Variants in NR5A2 observed in about 807,000 individuals in gnomAD.
The protein encoded by NR5A2 is nuclear receptor subfamily 5 group A member 2.
A neutral mutation model predicts 62.7 loss-of-function variants in NR5A2; 26 were observed. The observed-to-expected ratio is 0.41, with a 90% CI of 0.30 to 0.58. The LOEUF (loss-of-function observed/expected upper bound fraction) is 0.58. Ranked by LOEUF, NR5A2 falls within the 20% of genes least tolerant of loss-of-function variation. NR5A2 has a pLI of 0.22. For missense variants in NR5A2, 541 were observed against 669.1 expected, an observed-to-expected ratio of 0.81 and a Z score of 2.11; for synonymous variants, 246 against 241.7, an observed-to-expected ratio of 1.02 and a Z score of -0.16.
At chr1:200,139,073 G>A (rs1233587508) in intron 7 of NR5A2, among the ~76,000 whole-genome samples, 1 of 152,092 alleles carries the variant, frequency 6.6e-6, no homozygotes, top group Non-Finnish European at 1.5e-5. Flanking sequence ...GGTGTACTCT[G>A]ATGTCCTTCA....
intron 7 of NR5A2, among the ~76,000 whole-genome samples, chr1:200,149,724 T>C (rs961471201): frequency 2.0e-5 from 3 of 152,112 alleles, no homozygotes; most frequent in Non-Finnish European, 2.9e-5. Flanking sequence ...AGTGCACATA[T>C]TGTGGGCTCC....
chr1:200,077,213 T>G (rs1411083912), intron 5 of NR5A2, among the ~76,000 whole-genome samples: 1 of 152,254 alleles, frequency 6.6e-6, no homozygotes, highest in African/African-American at 2.4e-5. Flanking sequence ...ATAATTAGGT[T>G]TCGGCATCAC....
At chr1:200,168,962 T>C (rs1449472428) in intron 7 of NR5A2, among the ~76,000 whole-genome samples, 1 of 152,238 alleles carries the variant, frequency 6.6e-6, no homozygotes, top group Non-Finnish European at 1.5e-5. Flanking sequence ...TTGTCATCTC[T>C]CTAAAGACCT....
At chr1:200,076,675 T>C (rs1176553843) in intron 5 of NR5A2, among the ~76,000 whole-genome samples, 1 of 152,198 alleles carries the variant, frequency 6.6e-6, no homozygotes, top group Admixed American at 6.5e-5. Context: ...TTTTCAGATT[T>C]AGTGTTTTAA....
intron 1 of NR5A2, among the ~76,000 whole-genome samples, chr1:200,036,818 T>C (rs1383408782): frequency 6.6e-6 from 1 of 152,220 alleles, no homozygotes; most frequent in Non-Finnish European, 1.5e-5. Context: ...CTTTCTGCTC[T>C]TTCAGTCCCC....
At chr1:200,117,706 ATTTTT>A (rs766043240) in intron 6 of NR5A2, among the ~76,000 whole-genome samples, 4 of 150,804 alleles carry the variant, frequency 2.7e-5, no homozygotes, top group South Asian at 4.2e-4. Context: ...TTAACTAGTG[ATTTTT>A]TTTTCTTTTC....
chr1:200,160,240 A>C (rs76269553), intron 7 of NR5A2, among the ~76,000 whole-genome samples: 1 of 152,228 alleles, frequency 6.6e-6, no homozygotes, highest in Non-Finnish European at 1.5e-5. Context: ...TGAATTATGA[A>C]GGAGTATTGA....
At chr1:200,121,935 T>C (rs887133655) in intron 7 of NR5A2, among the ~76,000 whole-genome samples, 10 of 152,222 alleles carry the variant, frequency 6.6e-5, no homozygotes, top group African/African-American at 2.4e-4. Flanking sequence ...TTTTTAAAAT[T>C]CTTCTTGACA....
At chr1:200,088,851 T>C (rs1387976229) in intron 5 of NR5A2, among the ~76,000 whole-genome samples, 1 of 152,166 alleles carries the variant, frequency 6.6e-6, no homozygotes, top group Non-Finnish European at 1.5e-5. Flanking sequence ...TCAAGGAGCT[T>C]AGCCACATCT....
At chr1:200,172,143 CA>C (rs1167596525) in intron 7 of NR5A2, among the ~76,000 whole-genome samples, 2 of 152,056 alleles carry the variant, frequency 1.3e-5, no homozygotes, top group African/African-American at 4.8e-5. Flanking sequence ...TTTTAATAGT[CA>C]TGTTTTAATC....
chr1:200,076,793 A>C (rs1438822771), intron 5 of NR5A2, among the ~76,000 whole-genome samples: 1 of 152,176 alleles, frequency 6.6e-6, no homozygotes, highest in Non-Finnish European at 1.5e-5. Context: ...TTAAGTAGAA[A>C]CATATTTTTT....
chr1:200,115,180 A>G (rs772096970), intron 6 of NR5A2, among the ~76,000 whole-genome samples: 1 of 152,230 alleles, frequency 6.6e-6, no homozygotes, highest in Admixed American at 6.5e-5. Context: ...TTATTTTAAT[A>G]TTAAGAAAAA....
At chr1:200,099,843 C>T (rs2816994) in intron 5 of NR5A2, among the ~76,000 whole-genome samples, 67,237 of 152,014 alleles carry the variant, frequency 0.44, 14,993 homozygotes, top group African/African-American at 0.48. Context: ...CCACCCACCT[C>T]GGCCTCCCAA....
chr1:200,048,345 A>T lies in NR5A2; in HGVS notation c.637A>T (p.Ile213Phe). 1.2e-6 allele frequency: 2 copies of T among 1,614,152 alleles called. No individual in the cohort carries two copies. Among genetic ancestry groups the T allele is most frequent in the East Asian group, 4.5e-5 (2 of 44,872 alleles). The change falls in exon 5 of 8, where the codon ATT becomes TTT. Residue 213 changes from isoleucine to phenylalanine, a missense_variant. Ile to Phe is a conservative substitution (Grantham distance 21, BLOSUM62 0). Coordinates refer to ENST00000367362, the MANE Select transcript of NR5A2 (RefSeq NM_205860.3). This position sits in a 1 kb window ranked among gnomAD's most constrained non-coding sequence, Gnocchi z 4.8. ...MPSDLTISSA[I>F]QNIHSASKGL... is the part of the protein sequence containing the mutation. ...CTCTGACCTGACCATTTCCTCTGCA[A>T]TTCAAAACATCCACTCTGCCTCCAA... is the stretch of plus-strand genomic sequence containing the variant.
chr1:200,108,474 TAATA>T (rs1444271453), intron 5 of NR5A2, among the ~76,000 whole-genome samples: 1 of 152,190 alleles, frequency 6.6e-6, no homozygotes, highest in African/African-American at 2.4e-5. Context: ...AAAATGGGAA[TAATA>T]AATTTTCTTG....
chr1:200,042,625 T>C (rs942334950), intron 2 of NR5A2, among the ~76,000 whole-genome samples: 1 of 152,222 alleles, frequency 6.6e-6, no homozygotes, highest in Non-Finnish European at 1.5e-5. Flanking sequence ...AGGTAGAGCC[T>C]AGGCGAGAGC....
chr1:200,167,206 C>A (rs1653942320), intron 7 of NR5A2, among the ~76,000 whole-genome samples: 1 of 152,140 alleles, frequency 6.6e-6, no homozygotes, highest in Non-Finnish European at 1.5e-5. Context: ...GACATCTTCA[C>A]CCAATATTCC....
intron 6 of NR5A2, among the ~76,000 whole-genome samples, chr1:200,117,323 CCTT>C (rs371733234): frequency 3.4e-3 from 524 of 152,348 alleles, no homozygotes; most frequent in Middle Eastern, 0.031. Context: ...AATCACCTAT[CCTT>C]CTTTAGAGCT....
chr1:200,137,066 T>G (rs901148018), intron 7 of NR5A2, among the ~76,000 whole-genome samples: 4 of 152,192 alleles, frequency 2.6e-5, no homozygotes, highest in Non-Finnish European at 4.4e-5. Context: ...ACCTCCCTGG[T>G]TCAAGCAGTC....
Sources: allele counts gnomAD v4.1 joint callset (sites outside exome capture counted in the v4.1 genomes callset), GRCh38; gene constraint gnomAD v4.1.1; non-coding constraint Gnocchi (gnomAD v3.1); transcripts MANE v1.5; gene names NCBI Gene and HGNC (gene_info 2026-07-23, HGNC 2026-07-21).